The following PTPRD variants were observed in gnomAD, a reference collection of about 807,000 sequenced individuals.
PTPRD encodes the protein receptor-type tyrosine-protein phosphatase delta.
PTPRD carries 34 observed loss-of-function variants against 214.5 expected under a neutral mutation model. That is an observed-to-expected ratio of 0.16 (90% confidence interval 0.12 to 0.21). PTPRD has a LOEUF of 0.21. Ranked by LOEUF, PTPRD falls within the 10% of genes least tolerant of loss-of-function variation. The pLI, the probability that PTPRD is intolerant of heterozygous loss-of-function variation, is 1.00. For synonymous variants in PTPRD, 1,128 were observed against 845.7 expected, an observed-to-expected ratio of 1.33 and a Z score of -5.79; for missense variants, 2,545 against 2,398.7, an observed-to-expected ratio of 1.06 and a Z score of -1.27.
chr9:9,533,605 G>T (rs1047571223), intron 8 of PTPRD, among the ~76,000 whole-genome samples: 2 of 151,970 alleles, frequency 1.3e-5, no homozygotes, highest in South Asian at 2.1e-4. Flanking sequence ...ATGACCTTCA[G>T]ATTTTACAAA....
intron 12 of PTPRD, chr9:8,713,723 G>A (rs2098396598): frequency 6.6e-7 from 1 of 1,505,276 alleles, no homozygotes. Flanking sequence ...AGCAAGTGAC[G>A]CCGGCAGGCT....
chr9:10,123,272 C>T (rs1197839562), intron 3 of PTPRD, among the ~76,000 whole-genome samples: 2 of 152,162 alleles, frequency 1.3e-5, no homozygotes, highest in African/African-American at 4.8e-5. Context: ...ACCCAATAGA[C>T]TTTAATTATA....
At chr9:8,790,936 A>G (rs1438581204) in intron 11 of PTPRD, among the ~76,000 whole-genome samples, 1 of 152,190 alleles carries the variant, frequency 6.6e-6, no homozygotes, top group Non-Finnish European at 1.5e-5. Context: ...TACTAGCTCT[A>G]TACTGGACAA....
At chr9:9,430,343 A>C (rs2082605238) in intron 8 of PTPRD, among the ~76,000 whole-genome samples, 1 of 151,480 alleles carries the variant, frequency 6.6e-6, no homozygotes, top group African/African-American at 2.4e-5. Context: ...TCCAACTTAC[A>C]TGGGTTGTGA....
chr9:8,375,053 T>C (rs1184028927), intron 39 of PTPRD, among the ~76,000 whole-genome samples: 1 of 151,986 alleles, frequency 6.6e-6, no homozygotes, highest in Non-Finnish European at 1.5e-5. Flanking sequence ...CCCAGACTTC[T>C]ATTTTACTTA....
intron 11 of PTPRD, among the ~76,000 whole-genome samples, chr9:8,765,099 C>T (rs4742537): frequency 0.51 from 77,316 of 151,824 alleles, 20,125 homozygotes; most frequent in South Asian, 0.59. Context: ...AAATAAAACG[C>T]CCTTTGAGCA....
At chr9:10,170,762 T>C (rs1401227186) in intron 3 of PTPRD, among the ~76,000 whole-genome samples, 2 of 152,214 alleles carry the variant, frequency 1.3e-5, no homozygotes, top group Non-Finnish European at 1.5e-5. Flanking sequence ...ACAAATATTA[T>C]CATTTTTGAC....
chr9:9,698,660 C>A (rs1437442845), intron 7 of PTPRD, among the ~76,000 whole-genome samples: 2 of 152,162 alleles, frequency 1.3e-5, no homozygotes, highest in South Asian at 2.1e-4. Context: ...GCCTTCACGC[C>A]CTCCCAATGC....
intron 4 of PTPRD, among the ~76,000 whole-genome samples, chr9:10,011,228 T>C (rs2096593259): frequency 6.6e-6 from 1 of 151,948 alleles, no homozygotes. Flanking sequence ...TGTTAACTTT[T>C]ATTTCAAATA....
chr9:8,878,619 C>G (rs1408374016), intron 11 of PTPRD, among the ~76,000 whole-genome samples: 1 of 151,970 alleles, frequency 6.6e-6, no homozygotes, highest in Non-Finnish European at 1.5e-5. Flanking sequence ...TCTCAAACTT[C>G]CAGGCTCAAG....
intron 3 of PTPRD, among the ~76,000 whole-genome samples, chr9:10,162,563 T>C (rs1281708068): frequency 3.3e-5 from 5 of 149,774 alleles, no homozygotes; most frequent in African/African-American, 7.3e-5. Flanking sequence ...GTAGAAGGGG[T>C]TGAAGAAAGT....
At chr9:8,544,987 G>A (rs896402423) in intron 14 of PTPRD, among the ~76,000 whole-genome samples, 1 of 150,042 alleles carries the variant, frequency 6.7e-6, no homozygotes, top group Non-Finnish European at 1.5e-5. Flanking sequence ...TGATGACCAG[G>A]GTTTCAGAAC....
At chr9:8,663,957 C>T (rs2097121915) in intron 12 of PTPRD, among the ~76,000 whole-genome samples, 1 of 151,466 alleles carries the variant, frequency 6.6e-6, no homozygotes, top group Admixed American at 6.6e-5. Flanking sequence ...ACTGTGTTTC[C>T]CAAGACGATC....
intron 11 of PTPRD, among the ~76,000 whole-genome samples, chr9:8,971,087 T>C (rs1206876038): frequency 2.0e-5 from 3 of 151,860 alleles, no homozygotes; most frequent in African/African-American, 7.2e-5. Context: ...TCTATAACTT[T>C]AAAATGTTAG....
intron 21 of PTPRD, among the ~76,000 whole-genome samples, chr9:8,514,948 C>G (rs889657486): frequency 1.3e-5 from 2 of 152,140 alleles, no homozygotes; most frequent in African/African-American, 4.8e-5. Flanking sequence ...CCCCTTTGCT[C>G]TTCTCTCTCC....
chr9:9,703,081 G>C (rs746918509), intron 7 of PTPRD, among the ~76,000 whole-genome samples: 1 of 152,150 alleles, frequency 6.6e-6, no homozygotes, highest in Non-Finnish European at 1.5e-5. Flanking sequence ...ACTGATAAGA[G>C]GTGATTGGAT....
At chr9:10,547,708 T>A (rs2060458816) in intron 2 of PTPRD, among the ~76,000 whole-genome samples, 2 of 151,910 alleles carry the variant, frequency 1.3e-5, no homozygotes, top group Admixed American at 1.3e-4. Flanking sequence ...GTTATATATA[T>A]ATATATAAGT....
At position 9,167,716 on chromosome 9, in the gene PTPRD, T is replaced by C. The variant is rs527822660; in HGVS notation, c.-143+15588A>G. On this transcript the variant is annotated intron_variant, in intron 10 of 45. Coordinates refer to ENST00000381196, the MANE Select transcript of PTPRD (RefSeq NM_002839.4). ...GTTGTGGTGAGCCGAGATCGCGCCA[T>C]TGCACTCCAGCCTAGGCAATGAGAG... 2.6e-5 allele frequency among the ~76,000 whole-genome samples: 4 copies of C among 152,134 alleles called. No individual in the cohort carries two copies. The East Asian group carries it at 5.8e-4, about 22-fold the overall frequency.
chr9:10,522,827 G>C (rs1177360471), intron 2 of PTPRD, among the ~76,000 whole-genome samples: 1 of 151,778 alleles, frequency 6.6e-6, no homozygotes, highest in Non-Finnish European at 1.5e-5. Flanking sequence ...TAAAAAAGTT[G>C]AAAATAAAAA....
Sources: allele counts gnomAD v4.1 joint callset (sites outside exome capture counted in the v4.1 genomes callset), GRCh38; gene constraint gnomAD v4.1.1; transcripts MANE v1.5; gene names NCBI Gene and HGNC (gene_info 2026-07-23, HGNC 2026-07-21).